ANGPT1: variants seen among roughly 807,000 people sequenced by gnomAD.
The protein encoded by ANGPT1 is angiopoietin-1.
ANGPT1 carries 17 observed loss-of-function variants against 62.2 expected under a neutral mutation model. The ratio of observed to expected loss-of-function variants is 0.27; its 90% CI spans 0.19 to 0.41. The LOEUF is 0.41. Ranked by LOEUF, ANGPT1 falls within the 10% of genes least tolerant of loss-of-function variation. The pLI, the probability that ANGPT1 is intolerant of heterozygous loss-of-function variation, is 1.00. For synonymous variants in ANGPT1, 199 were observed against 198.9 expected, an observed-to-expected ratio of 1.00 and a Z score of 0.00; for missense variants, 478 against 594.9, an observed-to-expected ratio of 0.80 and a Z score of 2.04.
At chr8:107,475,838 C>G (rs1038821122) in intron 1 of ANGPT1, among the ~76,000 whole-genome samples, 1 of 152,182 alleles carries the variant, frequency 6.6e-6, no homozygotes, top group Admixed American at 6.5e-5. Context: ...TGAAAAAATG[C>G]TCACCATCAC....
intron 7 of ANGPT1, among the ~76,000 whole-genome samples, chr8:107,274,319 G>C (rs1293169919): frequency 6.6e-6 from 1 of 152,110 alleles, no homozygotes; most frequent in Non-Finnish European, 1.5e-5. Flanking sequence ...TGGTTGGCTG[G>C]CTGGATAAAG....
chr8:107,445,914 A>G (rs1811603837), intron 1 of ANGPT1, among the ~76,000 whole-genome samples: 1 of 152,108 alleles, frequency 6.6e-6, no homozygotes, highest in Non-Finnish European at 1.5e-5. Context: ...TTAATTAATT[A>G]ATTAACTAAT....
chr8:107,398,941 C>T lies in ANGPT1; in HGVS notation c.298-51844G>A, dbSNP rs981269424. On this transcript the variant is annotated intron_variant, in intron 1 of 8. Transcript: ENST00000517746. ...CTATTTCAGTGGCTGTAGTACTTAG[C>T]CAAATTAGGGTGTAAGAAGTTCAGG... is the stretch of plus-strand genomic sequence containing the variant. 3.3e-5 allele frequency among the ~76,000 whole-genome samples: 5 copies of T among 151,930 alleles called. No individual in the cohort carries two copies. The East Asian group carries it at 9.6e-4, about 29-fold the overall frequency.
chr8:107,467,764 G>A (rs1812242029), intron 1 of ANGPT1, among the ~76,000 whole-genome samples: 2 of 152,076 alleles, frequency 1.3e-5, no homozygotes, highest in South Asian at 4.1e-4. Context: ...TGGGCAAAAA[G>A]GAAATGTTAA....
chr8:107,415,293 T>C (rs530125383), intron 1 of ANGPT1, among the ~76,000 whole-genome samples: 1 of 152,294 alleles, frequency 6.6e-6, no homozygotes, highest in South Asian at 2.1e-4. Flanking sequence ...TTGAATGATC[T>C]GGAATGAAAG....
In ANGPT1 at chr8:107,342,043, T is replaced by C. The variant is rs1815706875; in HGVS notation, c.453+4899A>G. Among the ~76,000 whole-genome samples the C allele has an allele frequency of 2.0e-5, 3 of 152,264 alleles. No homozygotes were observed. In the South Asian group the frequency reaches 6.2e-4, roughly 32 times the overall value. On this transcript the variant is annotated intron_variant, in intron 2 of 8. Coordinates refer to ENST00000517746, the MANE Select transcript of ANGPT1 (RefSeq NM_001146.5). The stretch of plus-strand genomic sequence containing the variant: ...GTAAGGAAGGAGTCCAAATTTCTTA[T>C]GCTTCTCAGAGTACGGAAAAGAAAA...
intron 1 of ANGPT1, among the ~76,000 whole-genome samples, chr8:107,411,870 T>C (rs1810593072): frequency 6.7e-6 from 1 of 149,348 alleles, no homozygotes; most frequent in East Asian, 1.9e-4. Flanking sequence ...GTGTTGAGCT[T>C]TATCCTAAAG....
chr8:107,297,258 C>G (rs575288693), intron 5 of ANGPT1, among the ~76,000 whole-genome samples: 2 of 152,068 alleles, frequency 1.3e-5, no homozygotes, highest in South Asian at 4.1e-4. Flanking sequence ...ATAACAGCTG[C>G]TCTTTGTGTT....
At chr8:107,497,210 T>C (rs1813126293) in intron 1 of ANGPT1, 52 bp downstream of exon 1, 1 of 1,576,648 alleles carries the variant, frequency 6.3e-7, no homozygotes, top group Admixed American at 1.7e-5. Flanking sequence ...TTAGCTGCAG[T>C]GCAAGAAAGG....
intron 1 of ANGPT1, among the ~76,000 whole-genome samples, chr8:107,347,325 T>C (rs945134069): frequency 6.6e-6 from 1 of 152,206 alleles, no homozygotes; most frequent in African/African-American, 2.4e-5. Flanking sequence ...ACAATCATAA[T>C]GACAATTTGC....
At chr8:107,495,482 T>C (rs1813068324) in intron 1 of ANGPT1, among the ~76,000 whole-genome samples, 1 of 152,220 alleles carries the variant, frequency 6.6e-6, no homozygotes, top group Admixed American at 6.5e-5. Flanking sequence ...ACCCTGTCAC[T>C]GCTGAATAAT....
chr8:107,403,036 C>T (rs1347337313), intron 1 of ANGPT1, among the ~76,000 whole-genome samples: 1 of 152,000 alleles, frequency 6.6e-6, no homozygotes, highest in African/African-American at 2.4e-5. Context: ...GTGGATCAAC[C>T]AATAGTTGTT....
intron 8 of ANGPT1, 92 bp downstream of exon 8, chr8:107,264,129 G>T: frequency 1.4e-6 from 2 of 1,433,248 alleles, no homozygotes; most frequent in South Asian, 1.6e-5. Context: ...TAAGTTTCCT[G>T]ACCATAAGAT....
chr8:107,392,124 C>G (rs1816847889), intron 1 of ANGPT1, among the ~76,000 whole-genome samples: 1 of 152,064 alleles, frequency 6.6e-6, no homozygotes, highest in African/African-American at 2.4e-5. Context: ...CCATAACTTT[C>G]TTTATGTTTA....
chr8:107,347,829 G>C (rs1277816383), intron 1 of ANGPT1, among the ~76,000 whole-genome samples: 1 of 152,050 alleles, frequency 6.6e-6, no homozygotes, highest in Non-Finnish European at 1.5e-5. Context: ...TCTTGCTTTG[G>C]GTAATATTTA....
chr8:107,496,453 A>G (rs773114984), intron 1 of ANGPT1, among the ~76,000 whole-genome samples: 67 of 152,224 alleles, frequency 4.4e-4, no homozygotes, highest in Non-Finnish European at 9.4e-4. Context: ...TTCATCAAAT[A>G]ACATGGATAC....
intron 1 of ANGPT1, among the ~76,000 whole-genome samples, chr8:107,352,930 T>C (rs911534051): frequency 6.6e-6 from 1 of 152,142 alleles, no homozygotes; most frequent in East Asian, 1.9e-4. Flanking sequence ...AATGGCAATA[T>C]TTAAAATGCA....
intron 1 of ANGPT1, among the ~76,000 whole-genome samples, chr8:107,438,694 T>C (rs1198118210): frequency 6.6e-6 from 1 of 152,178 alleles, no homozygotes; most frequent in Non-Finnish European, 1.5e-5. Flanking sequence ...ATCTGATATG[T>C]TCTTTTGAAG....
chr8:107,440,566 T>A (rs1433184), intron 1 of ANGPT1, among the ~76,000 whole-genome samples: 1 of 152,226 alleles, frequency 6.6e-6, no homozygotes, highest in Non-Finnish European at 1.5e-5. Flanking sequence ...TTACAAATTG[T>A]CAATTCTTTT....
Sources: allele counts gnomAD v4.1 joint callset (sites outside exome capture counted in the v4.1 genomes callset), GRCh38; gene constraint gnomAD v4.1.1; transcripts MANE v1.5; gene names NCBI Gene and HGNC (gene_info 2026-07-23, HGNC 2026-07-21).